SLC10A7: variants seen among roughly 807,000 people sequenced by gnomAD.
SLC10A7 encodes sodium/bile acid cotransporter 7.
In SLC10A7, 29 loss-of-function variants were observed where a neutral mutation model predicts 43.2. The ratio of observed to expected loss-of-function variants is 0.67; its 90% CI spans 0.50 to 0.92. SLC10A7 has a LOEUF of 0.92. SLC10A7 is among the 40% of genes least tolerant of loss of function. The pLI is 0.00. For missense variants in SLC10A7, 295 were observed against 403.2 expected, an observed-to-expected ratio of 0.73 and a Z score of 2.30; for synonymous variants, 152 against 144.8, an observed-to-expected ratio of 1.05 and a Z score of -0.35.
chr4:146,443,811 C>T (rs943844345), intron 4 of SLC10A7, among the ~76,000 whole-genome samples: 2 of 152,200 alleles, frequency 1.3e-5, no homozygotes, highest in South Asian at 2.1e-4. Context: ...ATGAGATCCT[C>T]GGCTCCAGAG....
chr4:146,302,830 T>C (rs1231360531), intron 7 of SLC10A7, among the ~76,000 whole-genome samples: 1 of 152,200 alleles, frequency 6.6e-6, no homozygotes, highest in Non-Finnish European at 1.5e-5. Context: ...CTTAAAGTGC[T>C]TTTAAATCCC....
At chr4:146,467,143 G>GTGT (rs1733101201) in intron 4 of SLC10A7, among the ~76,000 whole-genome samples, 1 of 152,078 alleles carries the variant, frequency 6.6e-6, no homozygotes, top group South Asian at 2.1e-4. Flanking sequence ...TAAAGATCTG[G>GTGT]TGTATTAATC....
At position 146,257,806 on chromosome 4, in the gene SLC10A7, T is replaced by A. The variant is rs1226087304; in HGVS notation, c.993+886A>T. Among the ~76,000 whole-genome samples the A allele has an allele frequency of 2.0e-5, 3 of 152,192 alleles. No individual in the cohort carries two copies. In the East Asian group the frequency reaches 5.8e-4, roughly 29 times the overall value. On this transcript the variant is annotated intron_variant, in intron 11 of 11. Coordinates refer to ENST00000335472, the MANE Select transcript of SLC10A7 (RefSeq NM_001029998.6). ...GCCTGAGCTCTGAGCCCAGGCAGGC[T>A]GGCCCAAGATCCATCCTTTGAACCA...
At chr4:146,301,996 C>T (rs193009856) in intron 7 of SLC10A7, among the ~76,000 whole-genome samples, 26 of 152,204 alleles carry the variant, frequency 1.7e-4, no homozygotes, top group Middle Eastern at 3.4e-3. Context: ...AAGAATGAGC[C>T]ATCTAACAAT....
intron 10 of SLC10A7, among the ~76,000 whole-genome samples, chr4:146,279,102 C>T (rs1297732097): frequency 6.6e-6 from 1 of 152,144 alleles, no homozygotes; most frequent in Non-Finnish European, 1.5e-5. Flanking sequence ...AGCATTCATT[C>T]AATTCAGAAG....
intron 10 of SLC10A7, among the ~76,000 whole-genome samples, chr4:146,265,520 T>C (rs1728499682): frequency 1.3e-5 from 2 of 152,372 alleles, no homozygotes; most frequent in South Asian, 2.1e-4. Context: ...CCACTCGTTC[T>C]AGATGCATCA....
chr4:146,431,441 A>G (rs1002862942), intron 5 of SLC10A7, among the ~76,000 whole-genome samples: 30 of 152,158 alleles, frequency 2.0e-4, no homozygotes, highest in Admixed American at 7.9e-4. Flanking sequence ...TTAAATATTC[A>G]TCTTGATTAT....
intron 7 of SLC10A7, among the ~76,000 whole-genome samples, chr4:146,296,626 A>G (rs1008300510): frequency 6.6e-6 from 1 of 152,172 alleles, no homozygotes; most frequent in African/African-American, 2.4e-5. Context: ...GGGAAAGCAG[A>G]TTGTCTTTCA....
intron 4 of SLC10A7, among the ~76,000 whole-genome samples, chr4:146,497,210 A>G (rs1030666337): frequency 6.6e-6 from 1 of 152,230 alleles, no homozygotes; most frequent in Non-Finnish European, 1.5e-5. Flanking sequence ...TTTAAGAAAC[A>G]AACAATCAAA....
At chr4:146,503,772 G>T (rs1315791810) in intron 4 of SLC10A7, 77 bp downstream of exon 4, 2 of 1,378,622 alleles carry the variant, frequency 1.5e-6, no homozygotes, top group African/African-American at 2.9e-5. Flanking sequence ...AACCCTTCAT[G>T]TCCAAAAATG....
intron 5 of SLC10A7, among the ~76,000 whole-genome samples, chr4:146,433,310 T>C (rs1010944623): frequency 1.1e-4 from 17 of 151,128 alleles, no homozygotes; most frequent in African/African-American, 4.1e-4. Context: ...TACAGGCACA[T>C]GCTACCATGC....
intron 10 of SLC10A7, among the ~76,000 whole-genome samples, chr4:146,275,900 G>A (rs1729175430): frequency 6.6e-6 from 1 of 151,758 alleles, no homozygotes; most frequent in South Asian, 2.1e-4. Flanking sequence ...AGAGCACCTT[G>A]CATGAGAGGG....
chr4:146,466,530 T>A (rs1733053000), intron 4 of SLC10A7, among the ~76,000 whole-genome samples: 1 of 152,140 alleles, frequency 6.6e-6, no homozygotes, highest in Non-Finnish European at 1.5e-5. Flanking sequence ...AGATGATGCA[T>A]AAAATTCTGT....
chr4:146,447,923 T>TAA (rs1165081631), intron 4 of SLC10A7, among the ~76,000 whole-genome samples: 1 of 142,272 alleles, frequency 7.0e-6, no homozygotes, highest in African/African-American at 2.6e-5. Context: ...GTAAATTTCT[T>TAA]AAAAAAAAAA....
chr4:146,377,503 G>A (rs915068373), intron 5 of SLC10A7, among the ~76,000 whole-genome samples: 6 of 152,140 alleles, frequency 3.9e-5, no homozygotes, highest in Admixed American at 1.3e-4. Flanking sequence ...TCCTCCTCCC[G>A]CAAGGGGTTT....
rs574948808 is a variant in SLC10A7 at position 146,516,030 on chromosome 4, G to A, written c.183+1008C>T. Reference sequence around the variant, plus strand: ...TGTTGCTACTAGGATGATCTAAGAAGGAGATAACTAAATTTAGTCTTCATT... The same window carrying A: ...TGTTGCTACTAGGATGATCTAAGAAAGAGATAACTAAATTTAGTCTTCATT... On this transcript the variant is annotated intron_variant, in intron 2 of 11. Transcript: ENST00000335472. Among the ~76,000 whole-genome samples, 9 of 151,678 alleles carry A rather than the reference G, an allele frequency of 5.9e-5. No homozygotes were observed. The South Asian group carries it at 1.9e-3, about 32-fold the overall frequency.
chr4:146,361,192 T>C (rs1163283364), intron 5 of SLC10A7, among the ~76,000 whole-genome samples: 1 of 152,206 alleles, frequency 6.6e-6, no homozygotes, highest in Non-Finnish European at 1.5e-5. Flanking sequence ...GCAATCTATC[T>C]TGCTTCTTAT....
chr4:146,263,833 TA>T (rs1728383449), intron 10 of SLC10A7, among the ~76,000 whole-genome samples: 1 of 152,242 alleles, frequency 6.6e-6, no homozygotes, highest in African/African-American at 2.4e-5. Context: ...GCACATATTG[TA>T]AATGGATTCT....
intron 4 of SLC10A7, among the ~76,000 whole-genome samples, chr4:146,458,879 T>C (rs1732300811): frequency 6.6e-6 from 1 of 151,748 alleles, no homozygotes; most frequent in Non-Finnish European, 1.5e-5. Flanking sequence ...GTGTTAGCCA[T>C]GTAATACTGA....
Sources: gnomAD v4.1 joint callset for allele counts (sites outside exome capture counted in the v4.1 genomes callset) on GRCh38, gnomAD v4.1.1 for gene constraint, MANE v1.5 for transcripts, NCBI Gene and HGNC (gene_info 2026-07-23, HGNC 2026-07-21) for gene names.